NCOA1: variants seen among roughly 807,000 people sequenced by gnomAD.
NCOA1 encodes nuclear receptor coactivator 1.
Under a neutral mutation model 150.9 loss-of-function variants are expected in NCOA1, and 35 were observed. The observed-to-expected ratio is 0.23, with a 90% CI of 0.18 to 0.31. NCOA1 has a LOEUF of 0.31. NCOA1 is among the 10% of genes least tolerant of loss of function. NCOA1 has a pLI of 1.00. For synonymous variants in NCOA1, 590 were observed against 630.0 expected (o/e 0.94, Z 0.95); for missense variants, 1,491 against 1,749.3 (o/e 0.85, Z 2.63).
intron 1 of NCOA1, among the ~76,000 whole-genome samples, chr2:24,510,142 C>A (rs530279133): frequency 6.6e-6 from 1 of 152,144 alleles, no homozygotes; most frequent in Non-Finnish European, 1.5e-5. Context: ...CTACGCCACC[C>A]GGGTTCAAGT....
At chr2:24,548,050 A>G (rs1665675156) in intron 1 of NCOA1, among the ~76,000 whole-genome samples, 1 of 151,680 alleles carries the variant, frequency 6.6e-6, no homozygotes, top group East Asian at 1.9e-4. Flanking sequence ...AATGAGTGCT[A>G]AGATACACTA....
At chr2:24,731,396 A>G (rs1408775800) in intron 17 of NCOA1, among the ~76,000 whole-genome samples, 1 of 152,228 alleles carries the variant, frequency 6.6e-6, no homozygotes, top group Non-Finnish European at 1.5e-5. Context: ...GTTGTATGGA[A>G]TAAATGAGAC....
At chr2:24,666,329 A>G (rs1671427177) in intron 6 of NCOA1, among the ~76,000 whole-genome samples, 1 of 152,118 alleles carries the variant, frequency 6.6e-6, no homozygotes, top group Non-Finnish European at 1.5e-5. Flanking sequence ...TTTTATTATT[A>G]AAAAATTATA....
At chr2:24,706,452 C>A in intron 12 of NCOA1, 116 bp from the exon 13 acceptor site, 1 of 1,196,800 alleles carries the variant, frequency 8.4e-7, no homozygotes, top group Non-Finnish European at 1.1e-6. Context: ...AAGCTCTTTA[C>A]TTGATAGCTT....
intron 2 of NCOA1, among the ~76,000 whole-genome samples, chr2:24,569,936 A>G (rs1017888941): frequency 1.3e-5 from 2 of 151,806 alleles, no homozygotes; most frequent in African/African-American, 4.8e-5. Context: ...AAATTTTGAA[A>G]TAGAACATGG....
At chr2:24,531,457 T>C (rs1367959495) in intron 1 of NCOA1, among the ~76,000 whole-genome samples, 1 of 152,188 alleles carries the variant, frequency 6.6e-6, no homozygotes, top group Non-Finnish European at 1.5e-5. Flanking sequence ...CATTTTCTTT[T>C]TCTTTTTTAT....
chr2:24,516,730 C>G (rs1055763626), intron 1 of NCOA1, among the ~76,000 whole-genome samples: 1 of 150,802 alleles, frequency 6.6e-6, no homozygotes, highest in Admixed American at 6.6e-5. Flanking sequence ...TATCATCTTT[C>G]TCACTTTCTC....
chr2:24,503,811 T>C (rs896390400), intron 1 of NCOA1, among the ~76,000 whole-genome samples: 1 of 151,304 alleles, frequency 6.6e-6, no homozygotes, highest in South Asian at 2.1e-4. Flanking sequence ...CTTGGCTCAC[T>C]GCAACCTCTG....
chr2:24,566,184 T>C (rs982070661), intron 2 of NCOA1, among the ~76,000 whole-genome samples: 11 of 152,200 alleles, frequency 7.2e-5, no homozygotes, highest in African/African-American at 2.7e-4. Flanking sequence ...TTTATTGAGC[T>C]ATAGAACACC....
intron 8 of NCOA1, among the ~76,000 whole-genome samples, chr2:24,690,876 C>A (rs2148558673): frequency 6.6e-6 from 1 of 152,056 alleles, no homozygotes; most frequent in African/African-American, 2.4e-5. Flanking sequence ...TATTGATTAT[C>A]CACTATATCC....
chr2:24,709,359 G>A (rs1033057566), intron 13 of NCOA1, among the ~76,000 whole-genome samples: 16 of 152,180 alleles, frequency 1.1e-4, no homozygotes, highest in Non-Finnish European at 2.1e-4. Flanking sequence ...CCAAGTCCTT[G>A]TTAATACATG....
rs1261171068 is a variant in NCOA1, at chr2:24,713,307, G to A, written c.2599+2196G>A. Among the ~76,000 whole-genome samples the A allele has an allele frequency of 2.0e-5, 3 of 151,122 alleles. No homozygotes were observed. In the East Asian group the frequency reaches 5.8e-4, roughly 29 times the overall value. ...AAATAAAAGAATTACACAAACAAGG[G>A]TGGGAAACATCAAAAAATATAAGAG... On this transcript the variant is annotated intron_variant, in intron 14 of 22. Coordinates refer to ENST00000348332, the MANE Select transcript of NCOA1 (RefSeq NM_003743.5).
intron 3 of NCOA1, among the ~76,000 whole-genome samples, chr2:24,620,560 G>A (rs1022533377): frequency 3.9e-5 from 6 of 152,172 alleles, no homozygotes; most frequent in Non-Finnish European, 8.8e-5. Context: ...GGTGAGCTGA[G>A]ATCACGCCAT....
intron 1 of NCOA1, among the ~76,000 whole-genome samples, chr2:24,550,679 A>G (rs1344174920): frequency 6.6e-6 from 1 of 152,214 alleles, no homozygotes; most frequent in Non-Finnish European, 1.5e-5. Flanking sequence ...GTTTGCTTTT[A>G]TGTGCATAGA....
chr2:24,697,864 T>C (rs1188116002), intron 11 of NCOA1, 66 bp downstream of exon 11: 12 of 1,443,786 alleles, frequency 8.3e-6, no homozygotes, highest in Non-Finnish European at 1.1e-5. Context: ...ATAGTTCGTA[T>C]AGAACTTATG....
rs148739872 is a variant in NCOA1 at position 24,580,022 on chromosome 2, C to G, written c.-259-4454C>G. 7.2e-4 allele frequency among the ~76,000 whole-genome samples: 110 copies of G among 152,292 alleles called. 1 individual carries two copies. The East Asian group carries it at 0.02, about 27-fold the overall frequency. On this transcript the variant is annotated intron_variant, in intron 2 of 22. Transcript: ENST00000348332. ...GAAAAAACAGATGCAAAAATAGACA[C>G]AGATGATCAGGTGTGGACGTCAGTA...
At chr2:24,681,867 A>G (rs1032521467) in intron 7 of NCOA1, among the ~76,000 whole-genome samples, 13 of 152,028 alleles carry the variant, frequency 8.6e-5, no homozygotes, top group African/African-American at 2.7e-4. Context: ...GGCGTCCGCT[A>G]CCACACTTGG....
rs372362335 is a variant in NCOA1, at chr2:24,728,466, A to G, written c.2876A>G (p.Lys959Arg). 2.5e-5 allele frequency: 41 copies of G among 1,611,640 alleles called. No homozygotes were observed. The highest frequency in any genetic ancestry group is 1.6e-4 in the Middle Eastern group (1 of 6,068). Residue 959 changes from lysine (K) to arginine (R), a missense_variant, in exon 16 of 23, where the codon AAA (lysine) becomes AGA (arginine). Lys to Arg is a conservative substitution (Grantham distance 26, BLOSUM62 2). This residue lies in a region of NCOA1 where 485 missense variants were observed against 522.8 expected (regional missense o/e 0.93). Coordinates refer to ENST00000348332, the MANE Select transcript of NCOA1 (RefSeq NM_003743.5). Reference sequence around the variant, plus strand: ...CTAGACAGAGCTCTGGGAATTGACAAACTTGTTCAGGTATTTATTAAAGTC... The same window carrying G: ...CTAGACAGAGCTCTGGGAATTGACAGACTTGTTCAGGTATTTATTAAAGTC... ...AELDRALGID[K>R]LVQGGGLDVL... is the part of the protein sequence containing the mutation.
chr2:24,610,159 C>T (rs1272177923), intron 3 of NCOA1, among the ~76,000 whole-genome samples: 2 of 126,156 alleles, frequency 1.6e-5, no homozygotes, highest in East Asian at 2.4e-4. Flanking sequence ...GACAGAGTCT[C>T]TGTCGCTCAG....
Sources: gnomAD v4.1 joint callset for allele counts (sites outside exome capture counted in the v4.1 genomes callset) on GRCh38, gnomAD v4.1.1 for gene constraint, gnomAD v4.1.1 regional missense constraint, MANE v1.5 for transcripts, NCBI Gene and HGNC (gene_info 2026-07-23, HGNC 2026-07-21) for gene names.